The following WNK1 variants were observed in gnomAD, a reference collection of about 807,000 sequenced individuals.
WNK1 encodes serine/threonine-protein kinase WNK1.
WNK1 carries 38 observed loss-of-function variants against 222.8 expected under a neutral mutation model. That is an observed-to-expected ratio of 0.17 (90% CI 0.13 to 0.22). The LOEUF is 0.22. Among genes scored for constraint, WNK1 ranks in the 10% least tolerant of loss-of-function variants. The pLI is 1.00. For synonymous variants in WNK1, 1,090 were observed against 1,092.9 expected (o/e 1.00, Z 0.05); for missense variants, 2,348 against 2,918.4 (o/e 0.80, Z 4.50).
chr12:802,768 T>C (rs925534206), intron 1 of WNK1, among the ~76,000 whole-genome samples: 5 of 152,190 alleles, frequency 3.3e-5, no homozygotes, highest in Admixed American at 1.3e-4. Context: ...ATGTTATGAT[T>C]TACATAAATG....
chr12:888,311 T>C (rs914902025), intron 20 of WNK1, among the ~76,000 whole-genome samples: 4 of 152,096 alleles, frequency 2.6e-5, no homozygotes, highest in Admixed American at 1.3e-4. Flanking sequence ...GCCACCACAT[T>C]TGGGGGAAAG....
intron 26 of WNK1, chr12:901,182 A>T (rs1008397406): frequency 4.3e-6 from 1 of 231,406 alleles, no homozygotes; most frequent in Non-Finnish European, 8.6e-6. Flanking sequence ...GCTTTTAGTC[A>T]TATTAGAACA....
intron 1 of WNK1, among the ~76,000 whole-genome samples, chr12:781,688 C>T (rs185285926): frequency 1.1e-3 from 163 of 152,276 alleles, no homozygotes; most frequent in Admixed American, 1.0e-3. Flanking sequence ...TAAAAATCTT[C>T]AGAACCTTTT....
chr12:879,513 CTTTTTTTTTTT>C (rs10717495), intron 10 of WNK1, 49 bp from the exon 11 acceptor site: 3 of 403,334 alleles, frequency 7.4e-6, no homozygotes, highest in South Asian at 3.0e-5. Context: ...GGCAGCCTTG[CTTTTTTTTTTT>C]TTTTTTTTTT....
At chr12:834,911 A>C (rs533524200) in intron 4 of WNK1, among the ~76,000 whole-genome samples, 2 of 152,310 alleles carry the variant, frequency 1.3e-5, no homozygotes, top group African/African-American at 2.4e-5. Context: ...CTTCCTTTTT[A>C]GTATTGATAA....
At chr12:815,112 C>T (rs899406437) in intron 2 of WNK1, among the ~76,000 whole-genome samples, 3 of 152,154 alleles carry the variant, frequency 2.0e-5, no homozygotes, top group Admixed American at 6.5e-5. Flanking sequence ...TTTGCTTGCT[C>T]GCCTGCCACT....
At chr12:892,063 C>CTTTT (rs56227513) in intron 22 of WNK1, among the ~76,000 whole-genome samples, 1 of 135,076 alleles carries the variant, frequency 7.4e-6, no homozygotes, top group Non-Finnish European at 1.6e-5. Flanking sequence ...GCTTGGAAAT[C>CTTTT]TTTTTTTTTT....
At chr12:877,104 C>T (rs1163317021) in intron 9 of WNK1, among the ~76,000 whole-genome samples, 3 of 128,492 alleles carry the variant, frequency 2.3e-5, no homozygotes, top group Non-Finnish European at 1.6e-5. Context: ...GATCTTGTTG[C>T]CCATGCTGGA....
intron 9 of WNK1, among the ~76,000 whole-genome samples, chr12:871,759 C>A (rs11613704): frequency 0.16 from 23,871 of 151,942 alleles, 2,166 homozygotes; most frequent in Admixed American, 0.21. Flanking sequence ...CCTGCCACCA[C>A]ACTCAGCTAA....
At chr12:813,941 T>C (rs1481539691) in intron 2 of WNK1, 127 bp downstream of exon 2, 2 of 943,484 alleles carry the variant, frequency 2.1e-6, no homozygotes, top group East Asian at 2.6e-5. Flanking sequence ...CAACTGTTAC[T>C]GTATTAGCAT....
At chr12:842,772 G>A (rs1021630797) in intron 4 of WNK1, among the ~76,000 whole-genome samples, 1 of 152,098 alleles carries the variant, frequency 6.6e-6, no homozygotes, top group African/African-American at 2.4e-5. Context: ...TGATCTTCAG[G>A]AGGTTACATA....
Position 827,322 on chromosome 12 carries a change from T to A in WNK1, c.1153+60T>A. 6.9e-7 allele frequency: 1 copy of A among 1,454,414 alleles called. No homozygotes were observed. Among genetic ancestry groups the A allele is most frequent in the South Asian group, 1.1e-5 (1 of 87,356 alleles). 90.1% of individuals were successfully genotyped at this position (1,454,414 alleles called of 1,614,324 possible). The stretch of plus-strand genomic sequence containing the variant: ...TTTCTCACATTCCTTTTATTTAGAA[T>A]CCTGGCTCTGTCAGAGTTTTAAGTG... On this transcript the variant is annotated intron_variant, in intron 3 of 27. Transcript: ENST00000315939. This position sits in a 1 kb window ranked among gnomAD's most constrained non-coding sequence, Gnocchi z 4.6.
intron 9 of WNK1, among the ~76,000 whole-genome samples, chr12:872,336 A>G (rs1952229541): frequency 6.6e-6 from 1 of 152,014 alleles, no homozygotes; most frequent in Non-Finnish European, 1.5e-5. Context: ...TTTAGTAGAG[A>G]TGGCGTTTCA....
chr12:795,112 C>T (rs1945182263), intron 1 of WNK1, among the ~76,000 whole-genome samples: 1 of 152,150 alleles, frequency 6.6e-6, no homozygotes, highest in African/African-American at 2.4e-5. Flanking sequence ...TAGGTTAATA[C>T]TGGCCTCATA....
At chr12:865,167 T>C (rs72649827) in intron 8 of WNK1, 1 of 1,523,692 alleles carries the variant, frequency 6.6e-7, no homozygotes, top group South Asian at 1.2e-5. Flanking sequence ...GTTGCCTCTG[T>C]GTCCCGCATC....
At chr12:811,429 C>G (rs559229467) in intron 1 of WNK1, among the ~76,000 whole-genome samples, 7 of 152,018 alleles carry the variant, frequency 4.6e-5, no homozygotes, top group Non-Finnish European at 1.0e-4. Flanking sequence ...TGAACCAAAT[C>G]TTCATTTGTC....
At chr12:765,570 A>G (rs1432591094) in intron 1 of WNK1, among the ~76,000 whole-genome samples, 1 of 120,278 alleles carries the variant, frequency 8.3e-6, no homozygotes, top group Non-Finnish European at 2.0e-5. Flanking sequence ...TTTTTTAATC[A>G]TTGCAGAAAA....
chr12:820,863 CT>C (rs1947807712), intron 2 of WNK1, among the ~76,000 whole-genome samples: 9 of 152,028 alleles, frequency 5.9e-5, no homozygotes, highest in Admixed American at 1.3e-4. Flanking sequence ...TTTTTCTTGT[CT>C]AACTGTTTTG....
chr12:759,680 G>A lies in WNK1; in HGVS notation c.759+5356G>A, dbSNP rs567926664. The stretch of plus-strand genomic sequence containing the variant: ...TGCAGGAATAGGTGAGACTTAGCAT[G>A]ACCTCAGTTTATGTTTGAAGAGGCC... On this transcript the variant is annotated intron_variant, in intron 1 of 27. Transcript: ENST00000315939. 2.2e-4 allele frequency among the ~76,000 whole-genome samples: 33 copies of A among 147,798 alleles called. 1 individual carries two copies. The highest frequency in any genetic ancestry group is 7.8e-4 in the African/African-American group (32 of 41,218).
Sources: allele counts gnomAD v4.1 joint callset (sites outside exome capture counted in the v4.1 genomes callset), GRCh38; gene constraint gnomAD v4.1.1; non-coding constraint Gnocchi (gnomAD v3.1); transcripts MANE v1.5; gene names NCBI Gene and HGNC (gene_info 2026-07-23, HGNC 2026-07-21).